USP49: variants seen among roughly 807,000 people sequenced by gnomAD.
USP49 encodes the protein ubiquitin specific peptidase 49.
In USP49, 24 loss-of-function variants were observed where a neutral mutation model predicts 58.6. The observed-to-expected ratio is 0.41, with a 90% confidence interval of 0.30 to 0.58. The LOEUF is 0.58. Ranked by LOEUF, USP49 falls within the 20% of genes least tolerant of loss-of-function variation. The probability of loss-of-function intolerance (pLI) is 0.30; values close to 1 mark genes in which losing one functional copy is unlikely to be tolerated. For synonymous variants in USP49, 408 were observed against 365.1 expected (o/e 1.12, Z -1.34); for missense variants, 703 against 866.1 (o/e 0.81, Z 2.36).
At chr6:41,802,480 T>TTTA (rs1491178618) in intron 5 of USP49, among the ~76,000 whole-genome samples, 46 of 45,254 alleles carry the variant, frequency 1.0e-3, no homozygotes, top group African/African-American at 5.5e-3. Context: ...TTTTTATTTA[T>TTTA]TTTTTTTTTT....
chr6:41,817,593 G>A (rs577592759), intron 3 of USP49, among the ~76,000 whole-genome samples: 4 of 151,600 alleles, frequency 2.6e-5, no homozygotes, highest in African/African-American at 7.3e-5. Context: ...CCGAGTAGCT[G>A]GGATTACAGG....
chr6:41,802,534 C>T (rs1182225829), intron 5 of USP49, among the ~76,000 whole-genome samples: 4 of 141,246 alleles, frequency 2.8e-5, no homozygotes, highest in Non-Finnish European at 6.0e-5. Context: ...AGTGCAGTGG[C>T]GCCCACCTTG....
At chr6:41,847,086 GTTTGT>G (rs1162653025) in intron 3 of USP49, among the ~76,000 whole-genome samples, 2 of 152,190 alleles carry the variant, frequency 1.3e-5, no homozygotes, top group African/African-American at 2.4e-5. Flanking sequence ...ACAGATGGTT[GTTTGT>G]TTTAAGTGCT....
At position 41,791,878 on chromosome 6, in the gene USP49, AACC is replaced by A. The variant is rs2127312612; in HGVS notation, c.*4652_*4654del. On this transcript the variant is annotated 3_prime_UTR_variant, in exon 8 of 8. Coordinates refer to ENST00000682992, the MANE Select transcript of USP49 (RefSeq NM_001286554.2). Reference sequence around the variant, plus strand: ...CTTTAGCACTGACTTAAAAAGTCTGAACCACCAGGAAGATGCGTACTTAACTGG... The same window carrying A: ...CTTTAGCACTGACTTAAAAAGTCTGAACCAGGAAGATGCGTACTTAACTGG... The A allele has an allele frequency of 6.6e-6, 1 of 152,356 alleles. No individual in the cohort carries two copies. Among genetic ancestry groups the A allele is most frequent in the Admixed American group, 6.5e-5 (1 of 15,300 alleles). The allele number at this position is 152,356 out of a possible 1,614,324, so 9.4% of individuals were successfully genotyped here.
At chr6:41,876,429 T>A (rs968182141) in intron 2 of USP49, among the ~76,000 whole-genome samples, 28 of 152,148 alleles carry the variant, frequency 1.8e-4, no homozygotes, top group Non-Finnish European at 3.1e-4. Context: ...TTTTTTTTTT[T>A]AAATTAAGAC....
At chr6:41,810,493 AAAATAAAAAAT>A (rs1415592374) in intron 3 of USP49, among the ~76,000 whole-genome samples, 99 of 151,160 alleles carry the variant, frequency 6.5e-4, no homozygotes, top group African/African-American at 1.5e-3. Flanking sequence ...TCGTCTCCAA[AAAATAAAAAAT>A]AAATAAAAAA....
chr6:41,872,167 G>A (rs558447960), intron 2 of USP49, among the ~76,000 whole-genome samples: 2 of 152,304 alleles, frequency 1.3e-5, no homozygotes, highest in Admixed American at 6.5e-5. Flanking sequence ...AAGACATCTA[G>A]AGTTTATGAT....
chr6:41,862,144 A>G (rs564097054), intron 3 of USP49, among the ~76,000 whole-genome samples: 1 of 152,330 alleles, frequency 6.6e-6, no homozygotes, highest in Admixed American at 6.5e-5. Context: ...TTGGGTATCT[A>G]TCATGGGACA....
At chr6:41,868,134 C>T (rs1774353151) in intron 3 of USP49, among the ~76,000 whole-genome samples, 1 of 152,194 alleles carries the variant, frequency 6.6e-6, no homozygotes, top group Non-Finnish European at 1.5e-5. Flanking sequence ...CTGCCACTTG[C>T]AATGTGACTT....
At chr6:41,810,791 G>GAGGTC (rs1773244555) in intron 3 of USP49, among the ~76,000 whole-genome samples, 1 of 151,560 alleles carries the variant, frequency 6.6e-6, no homozygotes, top group Admixed American at 6.6e-5. Context: ...AGGTGATCCT[G>GAGGTC]AGGTCAGGTG....
At position 41,819,945 on chromosome 6, in the gene USP49, C is replaced by T. The variant is rs777722227; in HGVS notation, c.-28-12934G>A. Among the ~76,000 whole-genome samples, 8 of 152,242 alleles carry T rather than the reference C, an allele frequency of 5.3e-5. No individual in the cohort carries two copies. The South Asian group carries it at 1.0e-3, about 20-fold the overall frequency. The stretch of plus-strand genomic sequence containing the variant: ...GCCAAATCACCAAATCGAAATGTGG[C>T]AAATGCTACAGGATCAGTCAGTCAT... On this transcript the variant is annotated intron_variant, in intron 3 of 7. Coordinates refer to ENST00000682992, the MANE Select transcript of USP49 (RefSeq NM_001286554.2).
intron 3 of USP49, among the ~76,000 whole-genome samples, chr6:41,833,151 G>C (rs1490146672): frequency 6.6e-6 from 1 of 151,670 alleles, no homozygotes; most frequent in African/African-American, 2.4e-5. Flanking sequence ...CGAGTAGCTG[G>C]GACTACAGGT....
chr6:41,843,036 C>T (rs940542084), intron 3 of USP49, among the ~76,000 whole-genome samples: 3 of 152,152 alleles, frequency 2.0e-5, no homozygotes, highest in Non-Finnish European at 2.9e-5. Flanking sequence ...TCTGTCTCAA[C>T]CAGCTAGAAC....
intron 1 of USP49, among the ~76,000 whole-genome samples, chr6:41,893,531 G>C (rs904001483): frequency 1.3e-5 from 2 of 152,154 alleles, no homozygotes; most frequent in African/African-American, 4.8e-5. Flanking sequence ...CCCAGCACTT[G>C]TCAGGTGCAA....
At chr6:41,878,610 AAT>A (rs1225328618) in intron 2 of USP49, among the ~76,000 whole-genome samples, 1 of 152,202 alleles carries the variant, frequency 6.6e-6, no homozygotes, top group Non-Finnish European at 1.5e-5. Context: ...ACATATAATA[AAT>A]ATTAATTGGT....
chr6:41,889,663 TA>T (rs1198263485), intron 2 of USP49, among the ~76,000 whole-genome samples: 1 of 152,162 alleles, frequency 6.6e-6, no homozygotes, highest in Non-Finnish European at 1.5e-5. Flanking sequence ...GACAAGACCA[TA>T]AAAACACAAA....
At chr6:41,870,688 ATTTTT>A (rs70987539) in intron 3 of USP49, among the ~76,000 whole-genome samples, 1 of 116,064 alleles carries the variant, frequency 8.6e-6, no homozygotes, top group Admixed American at 1.0e-4. Flanking sequence ...CACCTGGCTA[ATTTTT>A]TTTTTTTTTT....
chr6:41,790,152 G>C lies in USP49; in HGVS notation c.*6381C>G, dbSNP rs1307899187. ...ACATTGTTGAGCAATATTAGGGGAA[G>C]AAGCCATTTGGTGTTGCATAGCATT... On this transcript the variant is annotated 3_prime_UTR_variant, in exon 8 of 8. Transcript: ENST00000682992. The C allele has an allele frequency of 6.6e-6, 1 of 152,208 alleles. No homozygotes were observed. The highest frequency in any genetic ancestry group is 2.4e-5 in the African/African-American group (1 of 41,442). The allele number at this position is 152,208 out of a possible 1,614,324, so 9.4% of individuals were successfully genotyped here.
intron 2 of USP49, among the ~76,000 whole-genome samples, chr6:41,881,377 G>C (rs1774606493): frequency 6.8e-6 from 1 of 147,038 alleles, no homozygotes; most frequent in African/African-American, 2.5e-5. Flanking sequence ...TTGGGAAAGG[G>C]AAAGGCAGGT....
Sources: allele counts gnomAD v4.1 joint callset (sites outside exome capture counted in the v4.1 genomes callset), GRCh38; gene constraint gnomAD v4.1.1; transcripts MANE v1.5; gene names NCBI Gene and HGNC (gene_info 2026-07-23, HGNC 2026-07-21).